The following BRINP1 variants were observed in gnomAD, a reference collection of about 807,000 sequenced individuals.
BRINP1 encodes the protein BMP/retinoic acid-inducible neural-specific protein 1.
Under a neutral mutation model 72.9 loss-of-function variants are expected in BRINP1, and 17 were observed. The observed-to-expected ratio is 0.23, with a 90% CI of 0.16 to 0.35. The LOEUF is 0.35. Ranked by LOEUF, BRINP1 falls within the 10% of genes least tolerant of loss-of-function variation. BRINP1 has a pLI of 1.00. For synonymous variants in BRINP1, 418 were observed against 378.5 expected, an observed-to-expected ratio of 1.10 and a Z score of -1.21; for missense variants, 850 against 1,001.6, an observed-to-expected ratio of 0.85 and a Z score of 2.04.
intron 5 of BRINP1, among the ~76,000 whole-genome samples, chr9:119,217,794 C>T (rs1045290247): frequency 6.6e-6 from 1 of 152,136 alleles, no homozygotes; most frequent in Non-Finnish European, 1.5e-5. Flanking sequence ...CTCCCTCCTT[C>T]CTCTTATCTC....
At chr9:119,358,387 T>TAA (rs5900396) in intron 1 of BRINP1, among the ~76,000 whole-genome samples, 5 of 134,086 alleles carry the variant, frequency 3.7e-5, no homozygotes, top group Admixed American at 7.4e-5. Context: ...TTATATGTAT[T>TAA]AAAAAAAAAA....
chr9:119,348,565 G>A (rs1297351971), intron 1 of BRINP1, among the ~76,000 whole-genome samples: 1 of 152,216 alleles, frequency 6.6e-6, no homozygotes, highest in Non-Finnish European at 1.5e-5. Flanking sequence ...CAATCAGTGA[G>A]AATTGCTGTT....
chr9:119,333,218 TA>T (rs1831317019), intron 1 of BRINP1, among the ~76,000 whole-genome samples: 1 of 151,832 alleles, frequency 6.6e-6, no homozygotes, highest in Admixed American at 6.6e-5. Context: ...CCCAGGACTT[TA>T]GGAGGCTGAG....
chr9:119,232,226 A>T (rs184988237), intron 5 of BRINP1, among the ~76,000 whole-genome samples: 1 of 152,276 alleles, frequency 6.6e-6, no homozygotes, highest in East Asian at 1.9e-4. Flanking sequence ...TTAAAAATTC[A>T]TCCATAAATT....
Position 119,208,834 on chromosome 9 carries a change from G to A in BRINP1, c.1030C>T (p.Leu344Phe). 1 of 1,614,184 alleles carries A rather than the reference G, an allele frequency of 6.2e-7. No homozygotes were observed. Among genetic ancestry groups the A allele is most frequent in the Non-Finnish European group, 8.5e-7 (1 of 1,180,022 alleles). The stretch of plus-strand genomic sequence containing the variant: ...TGTGCCTCCGTGGCACTCTGCAGGA[G>A]CTTGTAGCGGTTCTGCAGGTCCCAG... Reference protein sequence around the residue: ...NDWDLQNRYKLLQSATEAQRQ... With the variant: ...NDWDLQNRYKFLQSATEAQRQ... The change falls in exon 7 of 8, where the codon CTC (leucine) becomes TTC (phenylalanine). Residue 344 changes from leucine (L) to phenylalanine (F), a missense_variant. Coordinates refer to ENST00000265922, the MANE Select transcript of BRINP1 (RefSeq NM_014618.3).
intron 7 of BRINP1, among the ~76,000 whole-genome samples, chr9:119,205,185 C>A (rs760526519): frequency 6.6e-6 from 1 of 152,156 alleles, no homozygotes; most frequent in East Asian, 1.9e-4. Flanking sequence ...CGGCCCACAG[C>A]CCGTCCAAGG....
intron 2 of BRINP1, among the ~76,000 whole-genome samples, chr9:119,311,380 CA>C (rs1306429166): frequency 6.6e-6 from 1 of 152,154 alleles, no homozygotes; most frequent in Non-Finnish European, 1.5e-5. Flanking sequence ...TGGATGATTG[CA>C]AACTTTGTTT....
chr9:119,249,366 A>G (rs1435800946), intron 2 of BRINP1, among the ~76,000 whole-genome samples: 1 of 152,216 alleles, frequency 6.6e-6, no homozygotes, highest in Non-Finnish European at 1.5e-5. Context: ...TGAACTAGAT[A>G]AACAATATCA....
At chr9:119,196,543 C>A (rs1280534860) in intron 7 of BRINP1, among the ~76,000 whole-genome samples, 1 of 152,102 alleles carries the variant, frequency 6.6e-6, no homozygotes, top group Non-Finnish European at 1.5e-5. Flanking sequence ...GATATTTAAT[C>A]CCTCCATAAT....
intron 2 of BRINP1, among the ~76,000 whole-genome samples, chr9:119,294,075 T>C (rs1032496922): frequency 2.0e-5 from 3 of 152,118 alleles, no homozygotes; most frequent in African/African-American, 7.2e-5. Flanking sequence ...AAGTTGAAGA[T>C]ACAAAATAAA....
Position 119,167,321 on chromosome 9 carries a change from G to C in BRINP1, c.2049C>G (p.Gly683=). The change falls in exon 8 of 8, where the codon GGC becomes GGG. Residue 683 remains glycine (G), a synonymous_variant. Coordinates refer to ENST00000265922, the MANE Select transcript of BRINP1 (RefSeq NM_014618.3). The surrounding 1 kb of genome is among the most constrained non-coding windows in gnomAD (Gnocchi z 4.3). The part of the protein sequence containing the change: ...VQQVNQSYTQ[G]GQFYSSSSVM... The stretch of plus-strand genomic sequence containing the variant: ...CTGACGAAGAGGAATAGAACTGGCC[G>C]CCCTGTGTGTAGGACTGGTTGACCT... 3 of 1,614,140 alleles carry C rather than the reference G, an allele frequency of 1.9e-6. No homozygotes were observed. The highest frequency in any genetic ancestry group is 2.5e-6 in the Non-Finnish European group (3 of 1,180,036).
At chr9:119,345,213 C>A (rs1831438205) in intron 1 of BRINP1, among the ~76,000 whole-genome samples, 1 of 152,158 alleles carries the variant, frequency 6.6e-6, no homozygotes. Context: ...CAATTCCAGA[C>A]CCTGAACAAC....
intron 2 of BRINP1, among the ~76,000 whole-genome samples, chr9:119,301,321 G>T (rs186734831): frequency 6.6e-6 from 1 of 152,234 alleles, no homozygotes. Flanking sequence ...TTAAGGTATG[G>T]TTTTGCCAGT....
At chr9:119,331,273 T>C (rs1158981862) in intron 1 of BRINP1, among the ~76,000 whole-genome samples, 2 of 152,120 alleles carry the variant, frequency 1.3e-5, no homozygotes, top group Non-Finnish European at 2.9e-5. Context: ...AGGAGGAGCC[T>C]TGGAAAGGCA....
At chr9:119,229,197 T>A (rs1456963684) in intron 5 of BRINP1, among the ~76,000 whole-genome samples, 4 of 152,096 alleles carry the variant, frequency 2.6e-5, no homozygotes, top group Non-Finnish European at 5.9e-5. Context: ...TCATTCAGCA[T>A]ATATTTAATG....
intron 1 of BRINP1, among the ~76,000 whole-genome samples, chr9:119,315,029 C>G (rs1831111241): frequency 6.6e-6 from 1 of 152,142 alleles, no homozygotes; most frequent in Non-Finnish European, 1.5e-5. Flanking sequence ...GAGATCATGT[C>G]CTCAGAGGTC....
At chr9:119,256,852 G>A (rs1431760488) in intron 2 of BRINP1, among the ~76,000 whole-genome samples, 1 of 152,108 alleles carries the variant, frequency 6.6e-6, no homozygotes, top group African/African-American at 2.4e-5. Context: ...GATAAGTGGA[G>A]GGTTCTTTTA....
chr9:119,211,719 C>T (rs111538128), intron 6 of BRINP1, among the ~76,000 whole-genome samples: 5 of 152,246 alleles, frequency 3.3e-5, no homozygotes, highest in African/African-American at 9.6e-5. Flanking sequence ...AACTCATATG[C>T]ACAAGGCTGT....
chr9:119,330,695 C>T (rs149341927), intron 1 of BRINP1, among the ~76,000 whole-genome samples: 2 of 152,178 alleles, frequency 1.3e-5, no homozygotes, highest in Non-Finnish European at 2.9e-5. Context: ...TGTGATTGAC[C>T]TTTCATATTT....
Sources: allele counts gnomAD v4.1 joint callset (sites outside exome capture counted in the v4.1 genomes callset), GRCh38; gene constraint gnomAD v4.1.1; non-coding constraint Gnocchi (gnomAD v3.1); transcripts MANE v1.5; gene names NCBI Gene and HGNC (gene_info 2026-07-23, HGNC 2026-07-21).